ZNF782: variants seen among roughly 807,000 people sequenced by gnomAD.
ZNF782 encodes zinc finger protein 782.
ZNF782 carries 12 observed loss-of-function variants against 13.0 expected under a neutral mutation model. That is an observed-to-expected ratio of 0.92 (90% CI 0.59 to 1.50). The LOEUF is 1.50. ZNF782 is among the 40% of genes most tolerant of loss of function. The pLI is 0.00. For missense variants in ZNF782, 770 were observed against 822.9 expected (o/e 0.94, Z 0.79); for synonymous variants, 284 against 283.0 (o/e 1.00, Z -0.04).
upstream of ZNF782, among the ~76,000 whole-genome samples, chr9:96,856,087 ATTGT>A (rs892018114): frequency 1.1e-4 from 16 of 151,230 alleles, no homozygotes; most frequent in Admixed American, 4.6e-4. Flanking sequence ...TTTTGATGGG[ATTGT>A]TTGTTTTTTT....
the ZNF782 span, among the ~76,000 whole-genome samples, chr9:96,908,392 A>AGGAAT: frequency 6.6e-6 from 1 of 152,410 alleles, no homozygotes; most frequent in South Asian, 2.1e-4. Flanking sequence ...TTTTTGACAA[A>AGGAAT]GGAATGAAGA....
chr9:96,887,355 T>A, the ZNF782 span: 39 of 136,514 alleles, frequency 2.9e-4, 1 homozygote, highest in South Asian at 1.7e-3. Context: ...GAAAGAAAGA[T>A]ACGAAACCAA....
At chr9:96,861,781 T>C (rs1044526421) in intron 1 of ZNF782, among the ~76,000 whole-genome samples, 4 of 152,232 alleles carry the variant, frequency 2.6e-5, no homozygotes, top group African/African-American at 9.7e-5. Flanking sequence ...GGTGAGGATA[T>C]AGAGAAGAGG....
the ZNF782 span, chr9:96,892,863 A>G: frequency 6.6e-6 from 1 of 151,772 alleles, no homozygotes; most frequent in Non-Finnish European, 1.5e-5. Flanking sequence ...CAATTGTACT[A>G]AATTATTCAA....
chr9:96,859,239 G>A (rs538772266), upstream of ZNF782, among the ~76,000 whole-genome samples: 1 of 152,322 alleles, frequency 6.6e-6, no homozygotes, highest in South Asian at 2.1e-4. Context: ...TCCTAGTGCT[G>A]TGCCGCGCTT....
intron 4 of ZNF782, among the ~76,000 whole-genome samples, chr9:96,829,017 C>T (rs1188773443): frequency 6.9e-6 from 1 of 145,588 alleles, no homozygotes; most frequent in African/African-American, 2.6e-5. Flanking sequence ...TGAAGTGATA[C>T]TTTTAAAGTA....
intron 1 of ZNF782, among the ~76,000 whole-genome samples, chr9:96,871,830 C>A (rs1244813678): frequency 1.3e-5 from 2 of 152,210 alleles, no homozygotes; most frequent in African/African-American, 4.8e-5. Context: ...TTACACTAAG[C>A]CTTTTGGAAT....
chr9:96,919,946 G>A, the ZNF782 span, among the ~76,000 whole-genome samples: 1 of 151,548 alleles, frequency 6.6e-6, no homozygotes, highest in African/African-American at 2.4e-5. Flanking sequence ...AATGTTGGGG[G>A]AAAATAGTAA....
At chr9:96,878,421 T>C (rs1851920211), upstream of ZNF782, among the ~76,000 whole-genome samples, 1 of 152,226 alleles carries the variant, frequency 6.6e-6, no homozygotes, top group African/African-American at 2.4e-5. Flanking sequence ...CAAATTTGAT[T>C]ATAGCAGTGC....
chr9:96,905,229 A>G, the ZNF782 span, among the ~76,000 whole-genome samples: 1 of 139,640 alleles, frequency 7.2e-6, no homozygotes, highest in Non-Finnish European at 1.5e-5. Context: ...AACAAGTTGC[A>G]GTAAAGAAGC....
At chr9:96,837,655 C>T (rs930004810) in intron 4 of ZNF782, among the ~76,000 whole-genome samples, 5 of 152,028 alleles carry the variant, frequency 3.3e-5, no homozygotes, top group Admixed American at 6.6e-5. Flanking sequence ...TTAATGTATG[C>T]GTTTATAGCT....
At chr9:96,911,552 GCT>G in the ZNF782 span, among the ~76,000 whole-genome samples, 9 of 122,826 alleles carry the variant, frequency 7.3e-5, no homozygotes, top group Admixed American at 8.5e-4. Context: ...AGTTAGTCTC[GCT>G]CTTTCTCCCA....
chr9:96,858,763 A>G (rs2118853961), upstream of ZNF782, among the ~76,000 whole-genome samples: 1 of 152,342 alleles, frequency 6.6e-6, no homozygotes, highest in East Asian at 1.9e-4. This position sits in a 1 kb window ranked among gnomAD's most constrained non-coding sequence, Gnocchi z 4.4. Flanking sequence ...GAATGTATGC[A>G]GCCACAGAAG....
At chr9:96,841,174 G>C (rs920510197) in intron 4 of ZNF782, among the ~76,000 whole-genome samples, 2 of 151,838 alleles carry the variant, frequency 1.3e-5, no homozygotes, top group African/African-American at 2.4e-5. Flanking sequence ...CTCATTGTTA[G>C]AAAAGCAAAA....
intron 4 of ZNF782, among the ~76,000 whole-genome samples, chr9:96,832,733 T>A (rs1850847368): frequency 6.6e-6 from 1 of 152,228 alleles, no homozygotes; most frequent in Non-Finnish European, 1.5e-5. Context: ...TCCCTTTAGT[T>A]GCTTGTCAGA....
chr9:96,926,625 A>G, the ZNF782 span, among the ~76,000 whole-genome samples: 1 of 151,684 alleles, frequency 6.6e-6, no homozygotes, highest in Non-Finnish European at 1.5e-5. Context: ...ATTCAGTTTT[A>G]GAGTTGGGAC....
intron 1 of ZNF782, among the ~76,000 whole-genome samples, chr9:96,873,799 G>T (rs1246466199): frequency 6.6e-6 from 1 of 152,180 alleles, no homozygotes; most frequent in Non-Finnish European, 1.5e-5. Context: ...TTTGATACAT[G>T]GAAAATTGGG....
At chr9:96,834,585 T>G (rs895959874) in intron 4 of ZNF782, among the ~76,000 whole-genome samples, 1 of 152,226 alleles carries the variant, frequency 6.6e-6, no homozygotes, top group Non-Finnish European at 1.5e-5. Flanking sequence ...TGCACATGCT[T>G]GCTCCCCTTC....
intron 5 of ZNF782, among the ~76,000 whole-genome samples, chr9:96,825,219 T>C (rs1850576101): frequency 6.6e-6 from 1 of 151,084 alleles, no homozygotes; most frequent in Non-Finnish European, 1.5e-5. Flanking sequence ...TATAGATCAA[T>C]GGAACAGAAC....
Sources: allele counts gnomAD v4.1 joint callset (sites outside exome capture counted in the v4.1 genomes callset), GRCh38; gene constraint gnomAD v4.1.1; non-coding constraint Gnocchi (gnomAD v3.1); transcripts MANE v1.5; gene names NCBI Gene and HGNC (gene_info 2026-07-23, HGNC 2026-07-21).